The following DSG4 variants were observed in gnomAD, a reference collection of about 807,000 sequenced individuals.
DSG4 encodes desmoglein 4, also known as desmoglein-4.
In DSG4, 87 loss-of-function variants were observed where a neutral mutation model predicts 93.1. That is an observed-to-expected ratio of 0.93 (90% CI 0.79 to 1.12). The LOEUF (loss-of-function observed/expected upper bound fraction) is 1.12, where lower values mean the gene tolerates loss of function less well. DSG4 is among the 50% of genes most tolerant of loss of function. The pLI is 0.00. For missense variants in DSG4, 1,373 were observed against 1,285.7 expected (o/e 1.07, Z -1.04); for synonymous variants, 432 against 452.9 (o/e 0.95, Z 0.59).
At chr18:31,379,810 T>C (rs2072115203) in intron 1 of DSG4, among the ~76,000 whole-genome samples, 1 of 152,226 alleles carries the variant, frequency 6.6e-6, no homozygotes, top group Admixed American at 6.5e-5. Context: ...AATTTGTTTC[T>C]ATTTACTTGT....
rs530344729 is a variant in DSG4, at chr18:31,410,575, C to G, written c.2138-656C>G. Among the ~76,000 whole-genome samples, 6 of 152,036 alleles carry G rather than the reference C, an allele frequency of 3.9e-5. No homozygotes were observed. In the South Asian group the frequency reaches 1.2e-3, roughly 32 times the overall value. ...TGTACTCTAATAATACACTGAATAA[C>G]TTTTCTTAACTTCAGACAAGCTTTT... On this transcript the variant is annotated intron_variant, in intron 14 of 15. Transcript: ENST00000308128.
rs754844750 is a variant in DSG4 at position 31,390,719 on chromosome 18, T to C, written c.581T>C (p.Ile194Thr). ...GAAGAAAATCATCTGAATTCTAAAA[T>C]TGCCTACAAGATCGTCTCTCAGGAG... is the stretch of plus-strand genomic sequence containing the variant. The part of the protein sequence containing the change: ...ADEENHLNSK[I>T]AYKIVSQEPS... The change falls in exon 6 of 16, where the codon ATT (isoleucine) becomes ACT (threonine). Residue 194 changes from isoleucine to threonine, a missense_variant. Physicochemically the swap from Ile to Thr is moderately conservative, Grantham distance 89. Coordinates refer to ENST00000308128, the MANE Select transcript of DSG4 (RefSeq NM_177986.5). 5 of 1,613,782 alleles carry C rather than the reference T, an allele frequency of 3.1e-6. No homozygotes were observed. Among genetic ancestry groups the C allele is most frequent in the Non-Finnish European group, 4.2e-6 (5 of 1,179,780 alleles).
intron 1 of DSG4, among the ~76,000 whole-genome samples, chr18:31,377,451 G>A (rs897602177): frequency 6.6e-6 from 1 of 152,114 alleles, no homozygotes; most frequent in South Asian, 2.1e-4. Flanking sequence ...AAAGTCATGA[G>A]AACTTTTTCC....
rs749419793 is a variant in DSG4, at chr18:31,413,100, T to G, written c.2628T>G (p.Phe876Leu). Residue 876 changes from phenylalanine (F) to leucine (L), a missense_variant, in exon 16 of 16, where the codon TTT (phenylalanine) becomes TTG (leucine). Physicochemically the swap from Phe to Leu is conservative, Grantham distance 22 (BLOSUM62 0). Coordinates refer to ENST00000308128, the MANE Select transcript of DSG4 (RefSeq NM_177986.5). ...TCCCTTTGCTCGGACCTAATTACTT[T>G]GTTAATGAATCTTCAGGATTGACTC... is the stretch of plus-strand genomic sequence containing the variant. ...TDLPLLGPNY[F>L]VNESSGLTPS... 6 of 1,614,142 alleles carry G rather than the reference T, an allele frequency of 3.7e-6. No individual in the cohort carries two copies. Among genetic ancestry groups the G allele is most frequent in the Non-Finnish European group, 5.1e-6 (6 of 1,180,036 alleles).
In DSG4 at chr18:31,376,902, A is replaced by G. The variant is rs146720169; in HGVS notation, c.-10A>G. 5.4e-4 allele frequency: 876 copies of G among 1,613,612 alleles called. 1 individual carries two copies. Among genetic ancestry groups the G allele is most frequent in the Admixed American group, 2.7e-3 (161 of 59,950 alleles). On this transcript the variant is annotated 5_prime_UTR_variant, in exon 1 of 16. Coordinates refer to ENST00000308128, the MANE Select transcript of DSG4 (RefSeq NM_177986.5). ...CTCACAGGATTTGCGTGCAAGAGAAACCCAAAGGAATGGATTGGCTCTTCT... is the reference window on the plus strand; with the variant it reads ...CTCACAGGATTTGCGTGCAAGAGAAGCCCAAAGGAATGGATTGGCTCTTCT...
chr18:31,400,355 G>A (rs748043921), intron 9 of DSG4, among the ~76,000 whole-genome samples: 2 of 152,180 alleles, frequency 1.3e-5, no homozygotes, highest in Non-Finnish European at 2.9e-5. Flanking sequence ...ACTTGAAATT[G>A]TGCCTGGTAG....
intron 11 of DSG4, among the ~76,000 whole-genome samples, chr18:31,404,160 G>T (rs1022409940): frequency 6.6e-6 from 1 of 152,082 alleles, no homozygotes; most frequent in Non-Finnish European, 1.5e-5. Context: ...AAATTGCTCA[G>T]TATTAGAGGA....
intron 10 of DSG4, among the ~76,000 whole-genome samples, 172 bp from the exon 11 acceptor site, chr18:31,403,244 T>G (rs1598748166): frequency 6.6e-6 from 1 of 152,216 alleles, no homozygotes; most frequent in African/African-American, 2.4e-5. Flanking sequence ...GGCTGGAAGG[T>G]AGCACACAAA....
In DSG4 at chr18:31,401,035, T is replaced by C; in HGVS notation, c.1417+15T>C. On this transcript the variant is annotated intron_variant, in intron 10 of 15. Coordinates refer to ENST00000308128, the MANE Select transcript of DSG4 (RefSeq NM_177986.5). ...GGCTATAGATGGTAAGAAAATTTAT[T>C]TTCAGTATTTTAAGAAAACTAGTAC... The C allele has an allele frequency of 6.3e-7, 1 of 1,576,176 alleles. No individual in the cohort carries two copies. Among genetic ancestry groups the C allele is most frequent in the Non-Finnish European group, 8.6e-7 (1 of 1,157,058 alleles).
In DSG4 at chr18:31,399,487, G is replaced by A; in HGVS notation, c.1221G>A (p.Val407=). Residue 407 remains valine, a synonymous_variant, in exon 9 of 16, where the codon GTG becomes GTA. Transcript: ENST00000308128. ...GIKGSSLLNY[V]LGTYTAIDLD... ...AAGGAAGTTCCTTATTGAATTATGT[G>A]CTTGGCACATATACAGCCATAGATT... 6.2e-7 allele frequency: 1 copy of A among 1,614,052 alleles called. No homozygotes were observed. Among genetic ancestry groups the A allele is most frequent in the Admixed American group, 1.7e-5 (1 of 60,018 alleles).
At chr18:31,394,680 G>A (rs1384938643) in intron 8 of DSG4, among the ~76,000 whole-genome samples, 7 of 146,138 alleles carry the variant, frequency 4.8e-5, no homozygotes, top group Non-Finnish European at 6.0e-5. Context: ...AGTAAAAATG[G>A]AAAAAAAAAA....
chr18:31,393,824 C>CT (rs1351587828), intron 8 of DSG4, among the ~76,000 whole-genome samples: 6 of 152,166 alleles, frequency 3.9e-5, no homozygotes, highest in African/African-American at 1.4e-4. Context: ...AGTATTACTA[C>CT]TTTACCACCA....
chr18:31,378,666 C>T (rs999888261), intron 1 of DSG4, among the ~76,000 whole-genome samples: 9 of 152,006 alleles, frequency 5.9e-5, no homozygotes, highest in Admixed American at 2.0e-4. Context: ...TGACATTTCA[C>T]GGTAATTGTG....
chr18:31,393,146 TTGC>T (rs1268665161), intron 8 of DSG4, among the ~76,000 whole-genome samples: 6 of 151,844 alleles, frequency 4.0e-5, no homozygotes, highest in African/African-American at 1.2e-4. Flanking sequence ...ACAAAGGAAA[TTGC>T]TGCTAACAAC....
chr18:31,403,757 C>T (rs2072395823), intron 11 of DSG4, 123 bp downstream of exon 11: 5 of 877,062 alleles, frequency 5.7e-6, no homozygotes, highest in Non-Finnish European at 7.3e-6. Context: ...GCCATATTAA[C>T]ATTAAATGAA....
chr18:31,392,599 C>A (rs1172512073), intron 8 of DSG4, among the ~76,000 whole-genome samples: 8 of 151,940 alleles, frequency 5.3e-5, no homozygotes, highest in Non-Finnish European at 1.2e-4. Context: ...AGGTAAGCAA[C>A]CCCAAATTAG....
At chr18:31,388,277 G>T in intron 3 of DSG4, 90 bp from the exon 4 acceptor site, 1 of 1,469,536 alleles carries the variant, frequency 6.8e-7, no homozygotes, top group Non-Finnish European at 9.4e-7. Context: ...AGCCCATTTG[G>T]TAAAGAAACC....
chr18:31,404,420 C>T lies in DSG4; in HGVS notation c.1636+786C>T, dbSNP rs757967053. On this transcript the variant is annotated intron_variant, in intron 11 of 15. Transcript: ENST00000308128. ...CTACCTTGCGTTCTTTTTCCTAAAACGTTAAGTGCATAATAAAAAAGAAAA... is the reference window on the plus strand; with the variant it reads ...CTACCTTGCGTTCTTTTTCCTAAAATGTTAAGTGCATAATAAAAAAGAAAA... Among the ~76,000 whole-genome samples the T allele has an allele frequency of 2.6e-5, 4 of 152,146 alleles. No homozygotes were observed. In the East Asian group the frequency reaches 5.8e-4, roughly 22 times the overall value.
intron 2 of DSG4, among the ~76,000 whole-genome samples, 190 bp downstream of exon 2, chr18:31,385,361 T>G (rs1007157493): frequency 6.6e-6 from 1 of 152,198 alleles, no homozygotes; most frequent in African/African-American, 2.4e-5. Context: ...TTAGGGCATG[T>G]GTTTGCAACA....
Sources: gnomAD v4.1 joint callset for allele counts (sites outside exome capture counted in the v4.1 genomes callset) on GRCh38, gnomAD v4.1.1 for gene constraint, MANE v1.5 for transcripts, NCBI Gene and HGNC (gene_info 2026-07-23, HGNC 2026-07-21) for gene names.